NPAS3: variants seen among roughly 807,000 people sequenced by gnomAD.
NPAS3 encodes the protein neuronal PAS domain protein 3.
NPAS3 carries 14 observed loss-of-function variants against 73.1 expected under a neutral mutation model. The ratio of observed to expected loss-of-function variants is 0.19; its 90% CI spans 0.13 to 0.30. The LOEUF (loss-of-function observed/expected upper bound fraction) is 0.30, where lower values mean the gene tolerates loss of function less well. Among genes scored for constraint, NPAS3 ranks in the 10% least tolerant of loss-of-function variants. The pLI is 1.00. For synonymous variants in NPAS3, 620 were observed against 541.5 expected (o/e 1.14, Z -2.01); for missense variants, 1,096 against 1,250.0 (o/e 0.88, Z 1.86).
intron 1 of NPAS3, among the ~76,000 whole-genome samples, chr14:32,985,392 A>G (rs1360377024): frequency 6.6e-6 from 1 of 152,206 alleles, no homozygotes; most frequent in African/African-American, 2.4e-5. Context: ...CAAATAACAC[A>G]GGGAGGGGAC....
chr14:33,514,536 G>A (rs1037953093), intron 4 of NPAS3, among the ~76,000 whole-genome samples: 1 of 152,008 alleles, frequency 6.6e-6, no homozygotes, highest in Non-Finnish European at 1.5e-5. Flanking sequence ...TGATGAGGAA[G>A]CAAAATCTCC....
chr14:33,260,651 T>A (rs909454163), intron 3 of NPAS3, among the ~76,000 whole-genome samples: 4 of 152,188 alleles, frequency 2.6e-5, no homozygotes, highest in Non-Finnish European at 5.9e-5. Flanking sequence ...ATTTCAGAAT[T>A]TTTTTCTTCT....
chr14:33,543,476 T>C (rs1189952352), intron 4 of NPAS3, among the ~76,000 whole-genome samples: 1 of 152,162 alleles, frequency 6.6e-6, no homozygotes, highest in Non-Finnish European at 1.5e-5. Context: ...ACAACTGATT[T>C]TTCTGGGACT....
At chr14:33,373,386 ATGTGTGTGTGTGTG>A (rs5807721) in intron 4 of NPAS3, among the ~76,000 whole-genome samples, 13 of 147,248 alleles carry the variant, frequency 8.8e-5, no homozygotes, top group South Asian at 4.4e-4. Context: ...ATTGAACTAT[ATGTGTGTGTGTGTG>A]TGTGTGTGTG....
intron 2 of NPAS3, among the ~76,000 whole-genome samples, chr14:33,169,046 T>G (rs1166336936): frequency 1.3e-5 from 2 of 152,224 alleles, no homozygotes; most frequent in Non-Finnish European, 2.9e-5. Context: ...AAGAGCATGT[T>G]GGGAGTTTTG....
chr14:33,123,854 T>C (rs2043324582), intron 2 of NPAS3, among the ~76,000 whole-genome samples: 1 of 100,752 alleles, frequency 9.9e-6, no homozygotes, highest in African/African-American at 5.0e-5. Context: ...TTTTTCTTTC[T>C]TTCTTTCTTT....
chr14:33,216,110 A>T (rs1248103135), intron 3 of NPAS3, among the ~76,000 whole-genome samples: 5 of 152,080 alleles, frequency 3.3e-5, no homozygotes, highest in Admixed American at 6.6e-5. Flanking sequence ...ATATGCATGG[A>T]TATATTTATT....
At chr14:33,074,777 T>G (rs1002633937) in intron 2 of NPAS3, among the ~76,000 whole-genome samples, 1 of 152,190 alleles carries the variant, frequency 6.6e-6, no homozygotes, top group Non-Finnish European at 1.5e-5. Context: ...TAAATGTGTT[T>G]GCTAAAAGCA....
At chr14:32,992,056 G>A (rs2038356764) in intron 1 of NPAS3, among the ~76,000 whole-genome samples, 2 of 152,172 alleles carry the variant, frequency 1.3e-5, no homozygotes, top group South Asian at 4.1e-4. Flanking sequence ...CTTAGAAGGG[G>A]CCCAGTGAGC....
intron 2 of NPAS3, among the ~76,000 whole-genome samples, chr14:33,194,593 C>G (rs2046284604): frequency 6.6e-6 from 1 of 152,138 alleles, no homozygotes; most frequent in South Asian, 2.1e-4. Context: ...ATAGTAATTA[C>G]AGATATTATA....
At chr14:33,223,415 G>A (rs2047506413) in intron 3 of NPAS3, among the ~76,000 whole-genome samples, 1 of 152,192 alleles carries the variant, frequency 6.6e-6, no homozygotes, top group African/African-American at 2.4e-5. Context: ...TAGTAAGTCA[G>A]TCCTCTAAGT....
rs148281410 is a variant in NPAS3 at position 32,990,349 on chromosome 14, A to G, written c.50+50983A>G. ...TGATTATTTTAAAATCATACAGCAC[A>G]ACAGGAAGCATTCTAATTATTATAA... On this transcript the variant is annotated intron_variant, in intron 1 of 11. Transcript: ENST00000356141. Among the ~76,000 whole-genome samples the G allele has an allele frequency of 6.0e-4, 91 of 152,344 alleles. No homozygotes were observed. In the East Asian group the frequency reaches 0.016, roughly 26 times the overall value.
At chr14:33,325,666 T>A (rs1352072716) in intron 3 of NPAS3, among the ~76,000 whole-genome samples, 1 of 150,012 alleles carries the variant, frequency 6.7e-6, no homozygotes, top group Non-Finnish European at 1.5e-5. Flanking sequence ...AAAGTACAGT[T>A]AAGTTATTAT....
chr14:33,196,561 G>A (rs1373326554), intron 2 of NPAS3, among the ~76,000 whole-genome samples: 1 of 152,098 alleles, frequency 6.6e-6, no homozygotes, highest in Non-Finnish European at 1.5e-5. Flanking sequence ...GCTCTCCAGC[G>A]GGATAAGACC....
In NPAS3 at chr14:33,132,650, C is replaced by T. The variant is rs2043685229; in HGVS notation, c.140+76656C>T. On this transcript the variant is annotated intron_variant, in intron 2 of 11. Coordinates refer to ENST00000356141, the Ensembl canonical transcript of NPAS3. ...GTGTGAGGGGAAAGAGCCTTAGAAA[C>T]CAAGGAAACATGTTCATGAAGGCAA... Among the ~76,000 whole-genome samples, 5 of 151,480 alleles carry T rather than the reference C, an allele frequency of 3.3e-5. No individual in the cohort carries two copies. The South Asian group carries it at 1.0e-3, about 31-fold the overall frequency.
At chr14:33,750,504 T>A (rs1595550267) in intron 7 of NPAS3, among the ~76,000 whole-genome samples, 2 of 152,292 alleles carry the variant, frequency 1.3e-5, no homozygotes, top group South Asian at 2.1e-4. Context: ...AGAATGTAGT[T>A]TTTTTCCCCA....
intron 4 of NPAS3, among the ~76,000 whole-genome samples, chr14:33,464,895 G>A (rs983671428): frequency 2.0e-5 from 3 of 152,112 alleles, no homozygotes; most frequent in Non-Finnish European, 4.4e-5. Flanking sequence ...GTGACCCAAG[G>A]GGCCTGGCAC....
At chr14:33,661,097 GAAA>G (rs11297345) in intron 5 of NPAS3, among the ~76,000 whole-genome samples, 2,945 of 132,544 alleles carry the variant, frequency 0.022, 98 homozygotes, top group African/African-American at 0.073. Context: ...TCAGTAAAAG[GAAA>G]AAAAAAAAAA....
intron 4 of NPAS3, among the ~76,000 whole-genome samples, chr14:33,542,537 T>C (rs912194923): frequency 3.3e-5 from 5 of 152,126 alleles, no homozygotes; most frequent in Non-Finnish European, 7.4e-5. Flanking sequence ...ATCTCATCAT[T>C]TTTTTTCAGT....
Sources: allele counts gnomAD v4.1 joint callset (sites outside exome capture counted in the v4.1 genomes callset), GRCh38; gene constraint gnomAD v4.1.1; transcripts MANE v1.5; gene names NCBI Gene and HGNC (gene_info 2026-07-23, HGNC 2026-07-21).